The following SLC8A1 variants were observed in gnomAD, a reference collection of about 807,000 sequenced individuals.
SLC8A1 encodes sodium/calcium exchanger 1.
A neutral mutation model predicts 68.3 loss-of-function variants in SLC8A1; 18 were observed. The ratio of observed to expected loss-of-function variants is 0.26; its 90% confidence interval spans 0.18 to 0.39. SLC8A1 has a LOEUF of 0.39. SLC8A1 is among the 10% of genes least tolerant of loss of function. The probability of loss-of-function intolerance (pLI) is 1.00; values close to 1 mark genes in which losing one functional copy is unlikely to be tolerated. For synonymous variants in SLC8A1, 475 were observed against 415.5 expected (o/e 1.14, Z -1.74); for missense variants, 985 against 1,156.7 (o/e 0.85, Z 2.15).
At chr2:40,358,753 C>T (rs544482164) in intron 2 of SLC8A1, among the ~76,000 whole-genome samples, 6 of 152,254 alleles carry the variant, frequency 3.9e-5, no homozygotes, top group Middle Eastern at 3.4e-3. Flanking sequence ...GGCAAGACTC[C>T]TACTCTCATA....
intron 1 of SLC8A1, among the ~76,000 whole-genome samples, chr2:40,496,280 CA>C (rs1215573031): frequency 2.0e-5 from 3 of 152,074 alleles, no homozygotes; most frequent in Non-Finnish European, 2.9e-5. Context: ...GACAAGTTTC[CA>C]GATCCAAATG....
At chr2:40,318,093 T>A (rs1470245614) in intron 2 of SLC8A1, among the ~76,000 whole-genome samples, 1 of 152,096 alleles carries the variant, frequency 6.6e-6, no homozygotes, top group Admixed American at 6.6e-5. Flanking sequence ...ATGGAACACT[T>A]AATTATTTTT....
At chr2:40,424,930 AATT>A (rs1279657668) in intron 2 of SLC8A1, among the ~76,000 whole-genome samples, 2 of 151,892 alleles carry the variant, frequency 1.3e-5, no homozygotes, top group African/African-American at 2.4e-5. Flanking sequence ...ATTTTGTAAT[AATT>A]ATTACCATTA....
intron 2 of SLC8A1, among the ~76,000 whole-genome samples, chr2:40,353,500 A>C (rs183814238): frequency 2.6e-5 from 4 of 151,946 alleles, no homozygotes; most frequent in Admixed American, 2.6e-4. Context: ...CCCTCCTCTC[A>C]TGCCTCATTA....
At chr2:40,350,484 A>T (rs1670713211) in intron 2 of SLC8A1, among the ~76,000 whole-genome samples, 1 of 150,490 alleles carries the variant, frequency 6.6e-6, no homozygotes, top group Non-Finnish European at 1.5e-5. Flanking sequence ...CTGTCCCCCT[A>T]AAAAAATGTC....
chr2:40,496,417 G>A (rs982524719), intron 1 of SLC8A1, among the ~76,000 whole-genome samples: 1 of 152,116 alleles, frequency 6.6e-6, no homozygotes, highest in South Asian at 2.1e-4. Context: ...TCAAACAGTT[G>A]GATCAAGATC....
intron 1 of SLC8A1, among the ~76,000 whole-genome samples, chr2:40,501,212 C>CTATCCTTCTCTATCTCTT (rs1341231678): frequency 6.6e-6 from 1 of 151,990 alleles, no homozygotes; most frequent in Non-Finnish European, 1.5e-5. Context: ...TTTCTTTTCT[C>CTATCCTTCTCTATCTCTT]TATCCTTCTC....
intron 2 of SLC8A1, among the ~76,000 whole-genome samples, chr2:40,311,192 A>C (rs534869780): frequency 1.7e-3 from 255 of 152,270 alleles, no homozygotes; most frequent in Middle Eastern, 6.8e-3. Flanking sequence ...GTGATGCCCA[A>C]AATATGCACA....
chr2:40,459,869 A>G (rs147030536), intron 1 of SLC8A1, among the ~76,000 whole-genome samples: 3 of 152,238 alleles, frequency 2.0e-5, no homozygotes, highest in Non-Finnish European at 4.4e-5. Flanking sequence ...CACAACACAC[A>G]CACACTCTTC....
At chr2:40,200,204 ATAAATATATATATATTTTTT>A (rs1243880244) in intron 2 of SLC8A1, among the ~76,000 whole-genome samples, 436 of 12,256 alleles carry the variant, frequency 0.036, 37 homozygotes, top group Non-Finnish European at 0.047. Flanking sequence ...ATATATATAT[ATAAATATATATATATTTTTT>A]TATATATATA....
At chr2:40,299,742 T>C (rs897159100) in intron 2 of SLC8A1, among the ~76,000 whole-genome samples, 1 of 152,174 alleles carries the variant, frequency 6.6e-6, no homozygotes, top group Admixed American at 6.5e-5. Context: ...AAAGTGGAAA[T>C]GCAGTTCGGT....
chr2:40,264,328 G>C (rs1365638203), intron 2 of SLC8A1, among the ~76,000 whole-genome samples: 1 of 152,120 alleles, frequency 6.6e-6, no homozygotes. Flanking sequence ...AATACCATTT[G>C]ACCCAGCCAT....
intron 2 of SLC8A1, among the ~76,000 whole-genome samples, chr2:40,300,377 C>T (rs1215380642): frequency 6.6e-6 from 1 of 151,744 alleles, no homozygotes; most frequent in Admixed American, 6.6e-5. Flanking sequence ...GACTAGCAAA[C>T]TGTGGAGCCA....
chr2:40,496,184 C>T (rs936467281), intron 1 of SLC8A1, among the ~76,000 whole-genome samples: 3 of 152,058 alleles, frequency 2.0e-5, no homozygotes, highest in Non-Finnish European at 4.4e-5. Flanking sequence ...ACTCTGGTAC[C>T]TTTGGGATGT....
intron 2 of SLC8A1, among the ~76,000 whole-genome samples, chr2:40,290,250 C>A (rs539418451): frequency 4.0e-5 from 6 of 149,996 alleles, no homozygotes; most frequent in Non-Finnish European, 5.9e-5. Context: ...AGGCAAATAA[C>A]TGCAGCTGAA....
exon 8 of SLC8A1, chr2:40,115,015 C>T: frequency 7.6e-6 from 2 of 262,008 alleles, no homozygotes; most frequent in Non-Finnish European, 1.4e-5. Context: ...GAGAGTGCAG[C>T]CCTTCTAGAC....
intron 2 of SLC8A1, among the ~76,000 whole-genome samples, chr2:40,345,308 G>A (rs1238816747): frequency 1.3e-5 from 2 of 152,130 alleles, no homozygotes; most frequent in African/African-American, 4.8e-5. Flanking sequence ...TAATAAACAT[G>A]CTAGGAAAAT....
In SLC8A1 at chr2:40,109,038, C is replaced by CT. The variant is rs1024394023; in HGVS notation, c.*6214_*6215insA. On this transcript the variant is annotated 3_prime_UTR_variant, in exon 8 of 8. Transcript: ENST00000406785. Reference sequence around the variant, plus strand: ...AATTATTCTAGTAACTTTATCCCCCCGTCCCCCAGTGCATTCTTGGATTTA... The same window carrying CT: ...AATTATTCTAGTAACTTTATCCCCCCTGTCCCCCAGTGCATTCTTGGATTTA... 154 of 152,294 alleles carry CT rather than the reference C, an allele frequency of 1.0e-3. 1 individual carries two copies. Among genetic ancestry groups the CT allele is most frequent in the African/African-American group, 3.4e-3 (143 of 41,540 alleles). 9.4% of individuals were successfully genotyped at this position (152,294 alleles called of 1,614,324 possible). A position where few individuals can be genotyped will look rare whatever the true frequency, so the allele number is the denominator to read the frequency against.
intron 2 of SLC8A1, chr2:40,251,796 TC>T (rs2062797440): frequency 6.6e-6 from 1 of 152,168 alleles, no homozygotes; most frequent in African/African-American, 2.4e-5. Flanking sequence ...ATGACTTTCG[TC>T]TCTCTATTCT....
Sources: allele counts gnomAD v4.1 joint callset (sites outside exome capture counted in the v4.1 genomes callset), GRCh38; gene constraint gnomAD v4.1.1; transcripts MANE v1.5; gene names NCBI Gene and HGNC (gene_info 2026-07-23, HGNC 2026-07-21).